The following SORCS1 variants were observed in gnomAD, a reference collection of about 807,000 sequenced individuals.
SORCS1 encodes VPS10 domain-containing receptor SorCS1.
SORCS1 carries 60 observed loss-of-function variants against 146.1 expected under a neutral mutation model. That is an observed-to-expected ratio of 0.41 (90% CI 0.33 to 0.51). SORCS1 has a LOEUF of 0.51. Ranked by LOEUF, SORCS1 falls within the 20% of genes least tolerant of loss-of-function variation. SORCS1 has a pLI of 0.21. For synonymous variants in SORCS1, 637 were observed against 584.0 expected (o/e 1.09, Z -1.31); for missense variants, 1,352 against 1,487.6 (o/e 0.91, Z 1.50).
At chr10:107,179,864 T>C in the SORCS1 span, among the ~76,000 whole-genome samples, 1 of 151,660 alleles carries the variant, frequency 6.6e-6, no homozygotes, top group Non-Finnish European at 1.5e-5. Flanking sequence ...CTCTTTAGCA[T>C]GTATTTTTAT....
intron 3 of SORCS1, among the ~76,000 whole-genome samples, chr10:106,792,411 G>T (rs559169149): frequency 2.6e-5 from 4 of 152,310 alleles, no homozygotes; most frequent in African/African-American, 9.6e-5. Flanking sequence ...TATTTCAAAA[G>T]ATTTTATACT....
chr10:107,173,812 T>C, the SORCS1 span, among the ~76,000 whole-genome samples: 5 of 152,344 alleles, frequency 3.3e-5, no homozygotes, highest in East Asian at 7.7e-4. Context: ...CCTTTTCCTA[T>C]CATATTGCCA....
At chr10:106,714,356 C>A (rs1855213965) in intron 6 of SORCS1, among the ~76,000 whole-genome samples, 2 of 151,814 alleles carry the variant, frequency 1.3e-5, no homozygotes, top group South Asian at 4.2e-4. Context: ...CTATTAAAAT[C>A]TTGCTTTTAT....
chr10:107,107,820 C>T (rs1384486133), intron 1 of SORCS1, among the ~76,000 whole-genome samples: 1 of 152,106 alleles, frequency 6.6e-6, no homozygotes. Flanking sequence ...TCAGCTATGG[C>T]CCCATTTTCT....
At chr10:106,903,822 A>T (rs368385303) in intron 2 of SORCS1, among the ~76,000 whole-genome samples, 2 of 152,156 alleles carry the variant, frequency 1.3e-5, no homozygotes, top group African/African-American at 4.8e-5. Flanking sequence ...GATATTTGCA[A>T]ATCTCATAAT....
At chr10:106,984,264 A>G (rs959374877) in intron 1 of SORCS1, among the ~76,000 whole-genome samples, 8 of 152,080 alleles carry the variant, frequency 5.3e-5, no homozygotes, top group Admixed American at 5.2e-4. Flanking sequence ...TTTTTTACAT[A>G]TTTCCCACGG....
Position 106,728,117 on chromosome 10 carries a change from C to T in SORCS1, c.1024+1933G>A, listed in dbSNP as rs1048534272. On this transcript the variant is annotated intron_variant, in intron 6 of 25. Transcript: ENST00000263054. ...TGCGATCTCAGCTCACTGCAACCTC[C>T]GCCTCCTGGGTTCAAGTGATTATCC... Among the ~76,000 whole-genome samples, 6 of 152,098 alleles carry T rather than the reference C, an allele frequency of 3.9e-5. No individual in the cohort carries two copies. The East Asian group carries it at 5.8e-4, about 15-fold the overall frequency.
At chr10:107,097,913 T>TATAA (rs1207331132) in intron 1 of SORCS1, among the ~76,000 whole-genome samples, 3 of 152,198 alleles carry the variant, frequency 2.0e-5, no homozygotes, top group African/African-American at 7.2e-5. Context: ...CTTGAGCTAT[T>TATAA]ATAAAAACAT....
chr10:106,778,085 A>C (rs1196258370), intron 3 of SORCS1, among the ~76,000 whole-genome samples: 3 of 152,104 alleles, frequency 2.0e-5, no homozygotes, highest in Non-Finnish European at 4.4e-5. Context: ...AATCATATTA[A>C]AGCCTCTGAA....
In SORCS1 at chr10:106,767,974, C is replaced by T. The variant is rs150627513; in HGVS notation, c.886-6313G>A. Among the ~76,000 whole-genome samples the T allele has an allele frequency of 1.3e-3, 202 of 152,270 alleles. 1 individual carries two copies. The highest frequency in any genetic ancestry group is 4.7e-3 in the African/African-American group (196 of 41,534). On this transcript the variant is annotated intron_variant, in intron 4 of 25. Coordinates refer to ENST00000263054, the MANE Select transcript of SORCS1 (RefSeq NM_052918.5). ...TGTTCATTTCTCCTTATTCTTGTAG[C>T]TCTATTTTTTTTTCCCGAAATCATT...
intron 1 of SORCS1, among the ~76,000 whole-genome samples, chr10:106,965,494 T>C (rs778205434): frequency 1.3e-4 from 20 of 152,186 alleles, no homozygotes; most frequent in Non-Finnish European, 2.6e-4. Context: ...CACTGTGTGA[T>C]TTTCAGTAAG....
chr10:107,084,700 T>C (rs1204895056), intron 1 of SORCS1, among the ~76,000 whole-genome samples: 5 of 146,060 alleles, frequency 3.4e-5, no homozygotes, highest in Admixed American at 1.3e-4. Context: ...ATCTGAAAGG[T>C]AGAGGTACAG....
At chr10:106,813,029 T>C (rs1268429589) in intron 3 of SORCS1, among the ~76,000 whole-genome samples, 1 of 152,158 alleles carries the variant, frequency 6.6e-6, no homozygotes, top group Non-Finnish European at 1.5e-5. Context: ...AAGCAGATCC[T>C]TGCACCAAAC....
chr10:106,899,883 TG>T (rs2138048678), intron 2 of SORCS1, among the ~76,000 whole-genome samples: 1 of 152,186 alleles, frequency 6.6e-6, no homozygotes, highest in South Asian at 2.1e-4. Context: ...GAATAAGCCA[TG>T]TTATTTCACT....
chr10:106,645,394 T>C (rs1849355166), intron 18 of SORCS1, among the ~76,000 whole-genome samples: 1 of 152,214 alleles, frequency 6.6e-6, no homozygotes, highest in Non-Finnish European at 1.5e-5. Context: ...GGTTTCGCCA[T>C]GTTGGCCAGG....
intron 18 of SORCS1, among the ~76,000 whole-genome samples, chr10:106,652,133 A>AG (rs1849910339): frequency 6.6e-6 from 1 of 152,256 alleles, no homozygotes; most frequent in African/African-American, 2.4e-5. Context: ...TAAATCCAAC[A>AG]GATCCTCCAA....
chr10:106,996,543 G>T (rs1434488595), intron 1 of SORCS1, among the ~76,000 whole-genome samples: 1 of 152,098 alleles, frequency 6.6e-6, no homozygotes, highest in African/African-American at 2.4e-5. Flanking sequence ...TTAGAAATCA[G>T]TTATAACCAC....
chr10:106,747,458 G>A (rs1226276231), intron 5 of SORCS1, among the ~76,000 whole-genome samples: 4 of 152,144 alleles, frequency 2.6e-5, no homozygotes, highest in Non-Finnish European at 4.4e-5. Flanking sequence ...CTGAGATTCC[G>A]ATGCATAAAT....
At chr10:106,784,488 C>A (rs1252707342) in intron 3 of SORCS1, among the ~76,000 whole-genome samples, 1 of 151,822 alleles carries the variant, frequency 6.6e-6, no homozygotes, top group African/African-American at 2.4e-5. Context: ...ACTATGAGAA[C>A]TAATTAAATA....
Sources: allele counts gnomAD v4.1 joint callset (sites outside exome capture counted in the v4.1 genomes callset), GRCh38; gene constraint gnomAD v4.1.1; transcripts MANE v1.5; gene names NCBI Gene and HGNC (gene_info 2026-07-23, HGNC 2026-07-21).